The following UNC13C variants were observed in gnomAD, a reference collection of about 807,000 sequenced individuals.
UNC13C encodes protein unc-13 homolog C.
A neutral mutation model predicts 245.4 loss-of-function variants in UNC13C; 174 were observed. The observed-to-expected ratio is 0.71, with a 90% CI of 0.63 to 0.80. The LOEUF (loss-of-function observed/expected upper bound fraction) is 0.80. Among genes scored for constraint, UNC13C ranks in the 30% least tolerant of loss-of-function variants. The pLI is 0.00. For missense variants in UNC13C, 2,829 were observed against 2,602.9 expected, an observed-to-expected ratio of 1.09 and a Z score of -1.89; for synonymous variants, 992 against 895.1, an observed-to-expected ratio of 1.11 and a Z score of -1.93.
intron 10 of UNC13C, 56 bp from the exon 11 acceptor site, chr15:54,293,839 A>G: frequency 7.2e-7 from 1 of 1,392,630 alleles, no homozygotes; most frequent in Admixed American, 3.0e-5. Flanking sequence ...TACTAACATC[A>G]AATGGAATTT....
chr15:54,015,522 C>G lies in UNC13C; in HGVS notation c.2619C>G (p.Asp873Glu), dbSNP rs1319469820. 2 of 1,612,854 alleles carry G rather than the reference C, an allele frequency of 1.2e-6. No homozygotes were observed. The highest frequency in any genetic ancestry group is 1.7e-6 in the Non-Finnish European group (2 of 1,179,222). The change falls in exon 2 of 33, where the codon GAC (aspartate) becomes GAG (glutamate). Residue 873 changes from aspartate (D) to glutamate (E), a missense_variant. Physicochemically the swap from Asp to Glu is conservative, Grantham distance 45 (BLOSUM62 2). Transcript: ENST00000260323. ...AAGATTATACTGAACCAGTGGCTGA[C>G]AATGAAACAGATTATGTTGAAGTCA... ...DEEDYTEPVA[D>E]NETDYVEVME...
chr15:54,150,114 A>C (rs1268758924), intron 4 of UNC13C, among the ~76,000 whole-genome samples: 1 of 152,144 alleles, frequency 6.6e-6, no homozygotes, highest in African/African-American at 2.4e-5. Flanking sequence ...TACTATGGTA[A>C]AGTATTATCA....
At chr15:54,458,516 C>T (rs1203998558) in intron 19 of UNC13C, among the ~76,000 whole-genome samples, 1 of 151,830 alleles carries the variant, frequency 6.6e-6, no homozygotes, top group Non-Finnish European at 1.5e-5. Context: ...TATTTTGTTG[C>T]CATCTATCTC....
At chr15:54,472,435 T>C (rs1892512272) in intron 19 of UNC13C, among the ~76,000 whole-genome samples, 1 of 151,108 alleles carries the variant, frequency 6.6e-6, no homozygotes, top group Non-Finnish European at 1.5e-5. Flanking sequence ...TTTCTTTCAT[T>C]AAAAAGTGCT....
At chr15:54,227,710 C>G (rs529532128) in intron 4 of UNC13C, among the ~76,000 whole-genome samples, 1 of 152,282 alleles carries the variant, frequency 6.6e-6, no homozygotes, top group South Asian at 2.1e-4. Flanking sequence ...TTCCCGGGCC[C>G]CCAAGAGCTC....
chr15:54,427,541 T>C (rs2040784010), intron 19 of UNC13C, among the ~76,000 whole-genome samples: 1 of 151,752 alleles, frequency 6.6e-6, no homozygotes, highest in Non-Finnish European at 1.5e-5. Flanking sequence ...TACAAAAAAA[T>C]TGAAAAATAC....
chr15:54,161,133 C>A (rs895905633), intron 4 of UNC13C, among the ~76,000 whole-genome samples: 4 of 152,078 alleles, frequency 2.6e-5, no homozygotes, highest in African/African-American at 7.3e-5. Flanking sequence ...GGATCTTGCT[C>A]TGTCATGCAG....
At chr15:54,070,296 A>G (rs1898259154) in intron 2 of UNC13C, among the ~76,000 whole-genome samples, 1 of 152,184 alleles carries the variant, frequency 6.6e-6, no homozygotes, top group Non-Finnish European at 1.5e-5. Context: ...ACCCTCAAGG[A>G]CCCTCAAGGA....
chr15:54,028,208 C>T (rs1595735352), intron 2 of UNC13C, among the ~76,000 whole-genome samples: 1 of 152,260 alleles, frequency 6.6e-6, no homozygotes. Flanking sequence ...TCATAATGTA[C>T]ACAATGAACT....
chr15:54,500,867 T>C lies in UNC13C; in HGVS notation c.5190T>C (p.Ser1730=). ...FQQTSEHALF[S]CSVVDVFAQL... ...AGACATCTGAGCATGCTCTCTTTTC[T>C]TGCTCCGTGGTTGATGTCTTTGCTC... Residue 1730 remains serine (S), a synonymous_variant, in exon 22 of 33, where the codon TCT becomes TCC. Coordinates refer to ENST00000260323, the MANE Select transcript of UNC13C (RefSeq NM_001080534.3). 6.2e-7 allele frequency: 1 copy of C among 1,613,016 alleles called. No homozygotes were observed. Among genetic ancestry groups the C allele is most frequent in the South Asian group, 1.1e-5 (1 of 91,052 alleles).
chr15:54,539,239 T>C (rs771263226), intron 26 of UNC13C, among the ~76,000 whole-genome samples: 4 of 152,074 alleles, frequency 2.6e-5, no homozygotes, highest in Admixed American at 6.6e-5. Context: ...ATTTATTTAA[T>C]GTCAATATTT....
At chr15:54,475,263 G>A (rs189830584) in intron 19 of UNC13C, among the ~76,000 whole-genome samples, 1 of 149,002 alleles carries the variant, frequency 6.7e-6, no homozygotes, top group Non-Finnish European at 1.5e-5. Context: ...TGTATAGTGA[G>A]AGGGGTATGG....
Position 54,515,371 on chromosome 15 carries a change from G to A in UNC13C, c.5457+3541G>A, listed in dbSNP as rs573879131. The stretch of plus-strand genomic sequence containing the variant: ...TTTTCATTCATTGGTGAGTGATTAC[G>A]TTAGGTTACATTATGTTAATAGCTT... On this transcript the variant is annotated intron_variant, in intron 24 of 32. Coordinates refer to ENST00000260323, the MANE Select transcript of UNC13C (RefSeq NM_001080534.3). Among the ~76,000 whole-genome samples, 22 of 152,140 alleles carry A rather than the reference G, an allele frequency of 1.4e-4. No individual in the cohort carries two copies. In the East Asian group the frequency reaches 2.9e-3, roughly 20 times the overall value.
chr15:53,984,425 A>G (rs887906463), intron 1 of UNC13C, among the ~76,000 whole-genome samples: 2 of 152,128 alleles, frequency 1.3e-5, no homozygotes, highest in Non-Finnish European at 2.9e-5. Flanking sequence ...GTTAAAACCT[A>G]TATTTTTGCA....
At chr15:54,113,245 A>G (rs1277876097) in intron 2 of UNC13C, among the ~76,000 whole-genome samples, 1 of 152,162 alleles carries the variant, frequency 6.6e-6, no homozygotes, top group African/African-American at 2.4e-5. Context: ...AAGGAGAGAG[A>G]AAAGAAAGAA....
chr15:53,878,280 C>T, the UNC13C span, among the ~76,000 whole-genome samples: 4 of 152,144 alleles, frequency 2.6e-5, no homozygotes, highest in African/African-American at 9.7e-5. Flanking sequence ...CAAAGCTGTG[C>T]CTTCTGAATC....
intron 10 of UNC13C, among the ~76,000 whole-genome samples, chr15:54,290,611 A>G (rs994369553): frequency 1.3e-5 from 2 of 152,084 alleles, no homozygotes; most frequent in African/African-American, 4.8e-5. Flanking sequence ...TGTATTATGT[A>G]GAAAGACACA....
intron 2 of UNC13C, among the ~76,000 whole-genome samples, chr15:54,060,796 T>C (rs1442666457): frequency 6.6e-6 from 1 of 152,166 alleles, no homozygotes; most frequent in African/African-American, 2.4e-5. Context: ...CCATAAAAAA[T>C]GATGAGTTCA....
At chr15:54,144,772 A>G (rs2032182182) in intron 4 of UNC13C, among the ~76,000 whole-genome samples, 1 of 152,192 alleles carries the variant, frequency 6.6e-6, no homozygotes, top group Non-Finnish European at 1.5e-5. Context: ...GGTTTTCAAA[A>G]TTATTTCTAA....
Sources: gnomAD v4.1 joint callset for allele counts (sites outside exome capture counted in the v4.1 genomes callset) on GRCh38, gnomAD v4.1.1 for gene constraint, MANE v1.5 for transcripts, NCBI Gene and HGNC (gene_info 2026-07-23, HGNC 2026-07-21) for gene names.